The following GTPBP1 variants were observed in gnomAD, a reference collection of about 807,000 sequenced individuals.
The protein encoded by GTPBP1 is GTP binding protein 1.
A neutral mutation model predicts 62.0 loss-of-function variants in GTPBP1; 23 were observed. The observed-to-expected ratio is 0.37, with a 90% CI of 0.27 to 0.53. The LOEUF (loss-of-function observed/expected upper bound fraction) is 0.53, where lower values mean the gene tolerates loss of function less well. Ranked by LOEUF, GTPBP1 falls within the 20% of genes least tolerant of loss-of-function variation. The pLI is 0.89. For missense variants in GTPBP1, 640 were observed against 917.3 expected, an observed-to-expected ratio of 0.70 and a Z score of 3.90; for synonymous variants, 344 against 364.4, an observed-to-expected ratio of 0.94 and a Z score of 0.64.
downstream of GTPBP1, chr22:38,734,983 C>T (rs71319011): frequency 5.1e-5 from 15 of 295,860 alleles, no homozygotes; most frequent in African/African-American, 2.0e-4. Flanking sequence ...CAGACACAGC[C>T]GGAACCAGTG....
downstream of GTPBP1, chr22:38,736,364 G>A (rs150292176): frequency 4.3e-4 from 692 of 1,613,656 alleles, 1 homozygote; most frequent in South Asian, 9.7e-4. Context: ...CACCTGGTAC[G>A]TGGCCATCGT....
Position 38,716,057 on chromosome 22 carries a change from G to A in GTPBP1, c.455G>A (p.Arg152Gln), listed in dbSNP as rs145904410. The A allele has an allele frequency of 2.3e-4, 365 of 1,609,168 alleles. 1 individual carries two copies. Among genetic ancestry groups the A allele is most frequent in the African/African-American group, 2.1e-3 (157 of 74,902 alleles). The change falls in exon 3 of 12, where the codon CGA becomes CAA. Residue 152 changes from arginine (R) to glutamine (Q), a missense_variant. Arg to Gln is a conservative substitution (Grantham distance 43). Coordinates refer to ENST00000216044, the MANE Select transcript of GTPBP1 (RefSeq NM_004286.5). The surrounding 1 kb of genome is among the most constrained non-coding windows in gnomAD (Gnocchi z 5.2). The stretch of plus-strand genomic sequence containing the variant: ...GTGCGTGATTACCTGGTCCGGAAAC[G>A]AGTAGGAGACAATGACTTCCTGGAG... The part of the protein sequence containing the change: ...GRVRDYLVRK[R>Q]VGDNDFLEVR...
chr22:38,714,977 C>T (rs1032038109), intron 2 of GTPBP1, among the ~76,000 whole-genome samples: 2 of 152,184 alleles, frequency 1.3e-5, no homozygotes, highest in African/African-American at 4.8e-5. Context: ...AGCTCAAACT[C>T]ATTTCTCCAG....
chr22:38,714,897 A>G (rs1448402987), intron 2 of GTPBP1, among the ~76,000 whole-genome samples: 2 of 152,166 alleles, frequency 1.3e-5, no homozygotes, highest in Non-Finnish European at 2.9e-5. Context: ...ACGGGTTGTC[A>G]TATAGTAGGA....
chr22:38,738,559 C>T (rs779373640), downstream of GTPBP1: 13 of 1,602,894 alleles, frequency 8.1e-6, no homozygotes, highest in Non-Finnish European at 1.1e-5. The surrounding 1 kb of genome is among the most constrained non-coding windows in gnomAD (Gnocchi z 6.6). Flanking sequence ...TGCAGCCCCT[C>T]TGGCCCCACC....
Position 38,727,405 on chromosome 22 carries a change from G to T in GTPBP1, c.1537+57G>T. On this transcript the variant is annotated intron_variant, in intron 9 of 11. Transcript: ENST00000216044. The surrounding 1 kb of genome is among the most constrained non-coding windows in gnomAD (Gnocchi z 6.5). ...GCCGTCGTGTTAGCTCCCCTCAGAAGGTGTTCCAGCAACCCAGGCCCCCTA... is the reference window on the plus strand; with the variant it reads ...GCCGTCGTGTTAGCTCCCCTCAGAATGTGTTCCAGCAACCCAGGCCCCCTA... 1 of 1,464,628 alleles carries T rather than the reference G, an allele frequency of 6.8e-7. No individual in the cohort carries two copies. Among genetic ancestry groups the T allele is most frequent in the Non-Finnish European group, 9.1e-7 (1 of 1,100,908 alleles). The allele number at this position is 1,464,628 out of a possible 1,614,324, so 90.7% of individuals were successfully genotyped here.
chr22:38,724,425 A>T lies in GTPBP1; in HGVS notation c.1073+14A>T, dbSNP rs372088534. ...CAGCTCTGAAAGGTAACGCGTGGGG[A>T]GCGCACACTTCAGACAGGCACCCTT... On this transcript the variant is annotated intron_variant, in intron 6 of 11. Coordinates refer to ENST00000216044, the MANE Select transcript of GTPBP1 (RefSeq NM_004286.5). 3.4e-6 allele frequency: 5 copies of T among 1,477,970 alleles called. No homozygotes were observed. The African/African-American group carries it at 6.9e-5, about 20-fold the overall frequency. The allele number at this position is 1,477,970 out of a possible 1,614,324, so 91.6% of individuals were successfully genotyped here.
Position 38,728,346 on chromosome 22 carries a change from G to T in GTPBP1, c.1716+185G>T, listed in dbSNP as rs750986891. On this transcript the variant is annotated intron_variant, in intron 10 of 11. Transcript: ENST00000216044. ...CTGTGGCCTCCTGTCCTGGGCAGTG[G>T]TGGTGACCATGGAGAGGAGAAGGTA... 4 of 583,394 alleles carry T rather than the reference G, an allele frequency of 6.9e-6. No homozygotes were observed. In the South Asian group the frequency reaches 8.3e-5, roughly 12 times the overall value. The allele number at this position is 583,394 out of a possible 1,614,324, so 36.1% of individuals were successfully genotyped here.
downstream of GTPBP1, chr22:38,740,127 CAT>C (rs934720853): frequency 3.0e-5 from 38 of 1,273,880 alleles, no homozygotes; most frequent in African/African-American, 4.2e-4. This position sits in a 1 kb window ranked among gnomAD's most constrained non-coding sequence, Gnocchi z 4.8. Flanking sequence ...TGAGAGCCCA[CAT>C]GTGTCAAGGC....
downstream of GTPBP1, chr22:38,738,014 G>A (rs752094726): frequency 6.9e-5 from 51 of 741,712 alleles, no homozygotes; most frequent in Non-Finnish European, 9.6e-5. This position sits in a 1 kb window ranked among gnomAD's most constrained non-coding sequence, Gnocchi z 6.6. Context: ...TGCAGGATGC[G>A]TGTTACACCC....
chr22:38,735,291 G>A (rs567591210), downstream of GTPBP1: 30 of 453,736 alleles, frequency 6.6e-5, no homozygotes, highest in Non-Finnish European at 1.0e-4. Context: ...CTGAGCGGAC[G>A]ACCCCTACAT....
At chr22:38,714,502 C>T (rs949208203) in intron 2 of GTPBP1, among the ~76,000 whole-genome samples, 1 of 137,940 alleles carries the variant, frequency 7.2e-6, no homozygotes, top group African/African-American at 3.0e-5. Flanking sequence ...AAAAAAAAGG[C>T]CACTGGTGGC....
downstream of GTPBP1, chr22:38,739,800 C>T: frequency 6.2e-7 from 1 of 1,613,676 alleles, no homozygotes; most frequent in South Asian, 1.1e-5. This position sits in a 1 kb window ranked among gnomAD's most constrained non-coding sequence, Gnocchi z 6.7. Context: ...CCGACTTGCC[C>T]TGCATCTCTG....
Position 38,716,137 on chromosome 22 carries a change from G to A in GTPBP1, c.485+50G>A. The A allele has an allele frequency of 6.9e-7, 1 of 1,453,048 alleles. No homozygotes were observed. Among genetic ancestry groups the A allele is most frequent in the Non-Finnish European group, 9.5e-7 (1 of 1,058,152 alleles). 90.0% of individuals were successfully genotyped at this position (1,453,048 alleles called of 1,614,324 possible). On this transcript the variant is annotated intron_variant, in intron 3 of 11. Coordinates refer to ENST00000216044, the MANE Select transcript of GTPBP1 (RefSeq NM_004286.5). This position sits in a 1 kb window ranked among gnomAD's most constrained non-coding sequence, Gnocchi z 5.2. ...GGGTCCCCATTCTTCACAGAGGTTG[G>A]TGACTGAGCCTGTGGCACTTGGCGT...
chr22:38,715,789 C>T, intron 2 of GTPBP1, 118 bp from the exon 3 acceptor site: 9 of 758,032 alleles, frequency 1.2e-5, no homozygotes, highest in Non-Finnish European at 2.0e-5. Context: ...CCCTGTTCCT[C>T]TGCAGTGCTG....
At chr22:38,718,461 G>GA (rs1202861207) in intron 4 of GTPBP1, among the ~76,000 whole-genome samples, 1 of 152,054 alleles carries the variant, frequency 6.6e-6, no homozygotes, top group African/African-American at 2.4e-5. Context: ...TGACTTCTAG[G>GA]AAAAAATATT....
downstream of GTPBP1, chr22:38,735,121 T>A: frequency 2.5e-6 from 1 of 399,844 alleles, no homozygotes; most frequent in Non-Finnish European, 4.9e-6. Flanking sequence ...ATATACATAA[T>A]ACAGTGGGGC....
In GTPBP1 at chr22:38,730,536, C is replaced by T. The variant is rs550862561; in HGVS notation, c.1918-76C>T. 2.9e-5 allele frequency: 29 copies of T among 1,007,196 alleles called. No homozygotes were observed. The highest frequency in any genetic ancestry group is 1.3e-4 in the African/African-American group (8 of 63,936). The allele number at this position is 1,007,196 out of a possible 1,614,324, so 62.4% of individuals were successfully genotyped here. On this transcript the variant is annotated intron_variant, in intron 11 of 11. Coordinates refer to ENST00000216044, the MANE Select transcript of GTPBP1 (RefSeq NM_004286.5). This position sits in a 1 kb window ranked among gnomAD's most constrained non-coding sequence, Gnocchi z 5.6. ...CACGCATCTTCCGTCCCTGTCTCCC[C>T]GCTGCTCAGCACCTCTGCTCTCTGG...
intron 2 of GTPBP1, among the ~76,000 whole-genome samples, chr22:38,710,889 T>TG (rs2092634939): frequency 6.6e-6 from 1 of 152,114 alleles, no homozygotes. Flanking sequence ...ACCCCACCCA[T>TG]GGCAATTAAC....
Sources: allele counts gnomAD v4.1 joint callset (sites outside exome capture counted in the v4.1 genomes callset), GRCh38; gene constraint gnomAD v4.1.1; non-coding constraint Gnocchi (gnomAD v3.1); transcripts MANE v1.5; gene names NCBI Gene and HGNC (gene_info 2026-07-23, HGNC 2026-07-21).